RALY: variants seen among roughly 807,000 people sequenced by gnomAD.
RALY encodes the protein RNA-binding protein Raly.
RALY carries 15 observed loss-of-function variants against 30.7 expected under a neutral mutation model. That is an observed-to-expected ratio of 0.49 (90% CI 0.33 to 0.75). The LOEUF (loss-of-function observed/expected upper bound fraction) is 0.75. RALY is among the 30% of genes least tolerant of loss of function. The pLI is 0.02. For synonymous variants in RALY, 177 were observed against 170.8 expected (o/e 1.04, Z -0.28); for missense variants, 339 against 414.3 (o/e 0.82, Z 1.58).
chr20:34,048,176 T>C (rs1237935208), intron 2 of RALY, among the ~76,000 whole-genome samples: 1 of 152,198 alleles, frequency 6.6e-6, no homozygotes, highest in African/African-American at 2.4e-5. Context: ...AGGAAAAGAT[T>C]CATTAGGCTC....
intron 1 of RALY, among the ~76,000 whole-genome samples, chr20:34,013,640 G>A (rs1340027751): frequency 6.6e-6 from 1 of 152,048 alleles, no homozygotes; most frequent in Non-Finnish European, 1.5e-5. Flanking sequence ...TACAGAAGCA[G>A]AATTAATTTT....
chr20:33,999,861 G>A (rs185044325), intron 1 of RALY, among the ~76,000 whole-genome samples: 23 of 152,194 alleles, frequency 1.5e-4, no homozygotes, highest in Admixed American at 1.5e-3. Flanking sequence ...CGGGTGGCAC[G>A]TGTCTAGGTT....
At chr20:34,015,844 T>TGC (rs1469085502) in intron 1 of RALY, among the ~76,000 whole-genome samples, 7 of 151,860 alleles carry the variant, frequency 4.6e-5, no homozygotes, top group East Asian at 1.9e-4. Context: ...TTGCAACATG[T>TGC]GCACACACAC....
chr20:34,002,504 C>T lies in RALY; in HGVS notation c.-93+8373C>T, dbSNP rs557174108. 1.2e-4 allele frequency among the ~76,000 whole-genome samples: 18 copies of T among 152,308 alleles called. No individual in the cohort carries two copies. The South Asian group carries it at 3.5e-3, about 30-fold the overall frequency. ...GATAAGTAAAGCAAATCCAGCCTGC[C>T]GCCCTGGCTCATATATTTGGATTGA... is the stretch of plus-strand genomic sequence containing the variant. On this transcript the variant is annotated intron_variant, in intron 1 of 9. Transcript: ENST00000246194.
rs1223698230 is a variant in RALY, at chr20:34,077,094, G to T, written c.725G>T (p.Gly242Val). ...GGCGGTGGTGGTGGCAGCGGTGGCG[G>T]TGGCAGTGGTGGTGGCGGTGGCGGT... The part of the protein sequence containing the change: ...GGGGGGGSGG[G>V]GSGGGGGGGS... The change falls in exon 8 of 10, where the codon GGT becomes GTT. Residue 242 changes from glycine to valine, a missense_variant. By Grantham distance (109) the Gly-to-Val change is moderately radical (BLOSUM62 -3). This residue lies in a region of RALY where 268 missense variants were observed against 280.6 expected (regional missense o/e 0.95). Transcript: ENST00000246194. The T allele has an allele frequency of 6.2e-7, 1 of 1,604,780 alleles. No homozygotes were observed. The highest frequency in any genetic ancestry group is 8.5e-7 in the Non-Finnish European group (1 of 1,175,424).
At position 34,074,209 on chromosome 20, in the gene RALY, C is replaced by T. The variant is rs186892353; in HGVS notation, c.377+343C>T. Among the ~76,000 whole-genome samples the T allele has an allele frequency of 2.0e-3, 303 of 152,286 alleles. 5 individuals are homozygous for T. Among genetic ancestry groups the T allele is most frequent in the Non-Finnish European group, 3.8e-4 (26 of 68,014 alleles). Reference sequence around the variant, plus strand: ...GCGCTGGTTGCAGGGAGTTTGAGCCCTTCCCTCTGTGAGGTGCCCAAGCAG... The same window carrying T: ...GCGCTGGTTGCAGGGAGTTTGAGCCTTTCCCTCTGTGAGGTGCCCAAGCAG... On this transcript the variant is annotated intron_variant, in intron 5 of 9. Transcript: ENST00000246194.
At chr20:34,076,402 C>G (rs1341804029) in intron 6 of RALY, among the ~76,000 whole-genome samples, 3 of 152,212 alleles carry the variant, frequency 2.0e-5, no homozygotes, top group Non-Finnish European at 2.9e-5. Context: ...GACACATGTT[C>G]TTGCTCAGGT....
intron 2 of RALY, among the ~76,000 whole-genome samples, chr20:34,046,326 T>C (rs2032878431): frequency 6.6e-6 from 1 of 152,198 alleles, no homozygotes; most frequent in Non-Finnish European, 1.5e-5. Flanking sequence ...TGGCACATGC[T>C]GGGACCAAAG....
At chr20:34,016,828 AG>A (rs1018345375) in intron 1 of RALY, among the ~76,000 whole-genome samples, 3 of 152,280 alleles carry the variant, frequency 2.0e-5, no homozygotes, top group Non-Finnish European at 4.4e-5. Context: ...ATTTGGCCAG[AG>A]GCCAGCGAGG....
chr20:34,014,439 C>T (rs888059228), intron 1 of RALY, among the ~76,000 whole-genome samples: 2 of 152,098 alleles, frequency 1.3e-5, no homozygotes, highest in Admixed American at 1.3e-4. Context: ...CATAATTCTG[C>T]GGGTAAACGT....
intron 2 of RALY, among the ~76,000 whole-genome samples, chr20:34,063,983 C>A (rs1338559231): frequency 6.6e-6 from 1 of 152,020 alleles, no homozygotes; most frequent in African/African-American, 2.4e-5. Context: ...AGGTCCCAGA[C>A]CAACCGCTGG....
intron 2 of RALY, among the ~76,000 whole-genome samples, chr20:34,059,160 A>T (rs749669803): frequency 3.9e-5 from 6 of 152,184 alleles, no homozygotes; most frequent in Non-Finnish European, 8.8e-5. Flanking sequence ...TGGGAAATTT[A>T]AGATATATGT....
At chr20:34,054,712 G>C (rs981781744) in intron 2 of RALY, among the ~76,000 whole-genome samples, 1 of 152,016 alleles carries the variant, frequency 6.6e-6, no homozygotes, top group African/African-American at 2.4e-5. Flanking sequence ...TGGCATCCCA[G>C]CTACTTGGGG....
At chr20:34,018,338 C>A (rs1232641642) in intron 1 of RALY, among the ~76,000 whole-genome samples, 3 of 152,296 alleles carry the variant, frequency 2.0e-5, no homozygotes, top group Admixed American at 6.5e-5. Flanking sequence ...CAGCAGTCCT[C>A]TGTCCTCTGG....
chr20:34,035,172 A>AC (rs2032441734), intron 2 of RALY, among the ~76,000 whole-genome samples: 2 of 144,150 alleles, frequency 1.4e-5, no homozygotes, highest in African/African-American at 5.2e-5. Flanking sequence ...AAAAAAAAAA[A>AC]AAAAAAAAAA....
At chr20:34,022,284 G>A (rs1264277310) in intron 1 of RALY, among the ~76,000 whole-genome samples, 2 of 151,760 alleles carry the variant, frequency 1.3e-5, no homozygotes. Flanking sequence ...TAGTTTTTAA[G>A]TTTGAGGGCC....
chr20:34,080,295 A>T lies in RALY; in HGVS notation c.*390A>T, dbSNP rs1370624602. 1 of 152,310 alleles carries T rather than the reference A, an allele frequency of 6.6e-6. No homozygotes were observed. Among genetic ancestry groups the T allele is most frequent in the Non-Finnish European group, 1.5e-5 (1 of 68,130 alleles). 9.4% of individuals were successfully genotyped at this position (152,310 alleles called of 1,614,324 possible). On this transcript the variant is annotated 3_prime_UTR_variant, in exon 10 of 10. Coordinates refer to ENST00000246194, the MANE Select transcript of RALY (RefSeq NM_016732.3). ...GAGATGGGATGGTTTGTGTTTTCTC[A>T]TGAAGATATCCCGGCCCCTCTGCCA...
In RALY at chr20:34,073,822, C is replaced by A; in HGVS notation, c.333C>A (p.Gly111=). The change falls in exon 5 of 10, where the codon GGC becomes GGA. Residue 111 remains glycine (G), a synonymous_variant. Coordinates refer to ENST00000246194, the MANE Select transcript of RALY (RefSeq NM_016732.3). ...LKRAASAIYS[G]YIFDYDYYRD... is the part of the protein sequence containing the mutation. The stretch of plus-strand genomic sequence containing the variant: ...CCTCTCCCCTTTGTTTCCCCAGTGG[C>A]TACATCTTTGACTATGATTACTACC... 2 of 1,614,126 alleles carry A rather than the reference C, an allele frequency of 1.2e-6. No individual in the cohort carries two copies. Among genetic ancestry groups the A allele is most frequent in the Non-Finnish European group, 1.7e-6 (2 of 1,179,978 alleles).
intron 1 of RALY, among the ~76,000 whole-genome samples, chr20:34,024,400 A>C (rs1252971202): frequency 6.6e-6 from 1 of 152,166 alleles, no homozygotes; most frequent in Non-Finnish European, 1.5e-5. Flanking sequence ...TCTTCTAGGG[A>C]AGGAGGAGGG....
Sources: allele counts gnomAD v4.1 joint callset (sites outside exome capture counted in the v4.1 genomes callset), GRCh38; gene constraint gnomAD v4.1.1; regional missense constraint gnomAD v4.1.1; transcripts MANE v1.5; gene names NCBI Gene and HGNC (gene_info 2026-07-23, HGNC 2026-07-21).